The following PTPRJ variants were observed in gnomAD, a reference collection of about 807,000 sequenced individuals.
The protein encoded by PTPRJ is receptor-type tyrosine-protein phosphatase eta.
In PTPRJ, 129 loss-of-function variants were observed where a neutral mutation model predicts 141.3. That is an observed-to-expected ratio of 0.91 (90% CI 0.79 to 1.06). The LOEUF is 1.06. PTPRJ is among the 50% of genes least tolerant of loss of function. The pLI is 0.00. For synonymous variants in PTPRJ, 610 were observed against 640.5 expected, an observed-to-expected ratio of 0.95 and a Z score of 0.72; for missense variants, 1,601 against 1,679.7, an observed-to-expected ratio of 0.95 and a Z score of 0.82.
At chr11:47,999,372 A>G (rs1047949890) in intron 1 of PTPRJ, among the ~76,000 whole-genome samples, 11 of 152,250 alleles carry the variant, frequency 7.2e-5, no homozygotes, top group Admixed American at 2.0e-4. Flanking sequence ...ATGTCTGATT[A>G]TAAGAGTTGC....
At chr11:48,137,323 G>T (rs1857129022) in intron 10 of PTPRJ, 42 bp downstream of exon 10, 2 of 1,583,198 alleles carry the variant, frequency 1.3e-6, no homozygotes, top group Non-Finnish European at 1.7e-6. Context: ...CTCCCTGAGT[G>T]GTGCTGACCT....
intron 10 of PTPRJ, among the ~76,000 whole-genome samples, chr11:48,138,073 G>A (rs1003782122): frequency 2.0e-5 from 3 of 152,068 alleles, no homozygotes; most frequent in Non-Finnish European, 2.9e-5. Context: ...TGCCCTTCTC[G>A]CTCCTACCTC....
chr11:48,028,761 A>G (rs1402827088), intron 1 of PTPRJ, among the ~76,000 whole-genome samples: 1 of 152,230 alleles, frequency 6.6e-6, no homozygotes, highest in Non-Finnish European at 1.5e-5. Context: ...ACTGCACTCC[A>G]GCCTGGGCAA....
At chr11:48,151,439 T>C (rs1464563561) in intron 18 of PTPRJ, among the ~76,000 whole-genome samples, 1 of 150,880 alleles carries the variant, frequency 6.6e-6, no homozygotes, top group Non-Finnish European at 1.5e-5. Context: ...TCATTTTAAT[T>C]TGTTTACATT....
intron 8 of PTPRJ, among the ~76,000 whole-genome samples, chr11:48,134,296 G>A (rs1401908489): frequency 6.6e-6 from 1 of 152,074 alleles, no homozygotes; most frequent in East Asian, 1.9e-4. Context: ...TTCCCCTATA[G>A]TTAGCATGGC....
chr11:48,003,449 G>A (rs961569159), intron 1 of PTPRJ, among the ~76,000 whole-genome samples: 4 of 151,696 alleles, frequency 2.6e-5, no homozygotes, highest in Admixed American at 6.6e-5. Flanking sequence ...CATTATGTCC[G>A]TCCCAGCACT....
At chr11:48,031,575 T>C (rs1276928782) in intron 1 of PTPRJ, among the ~76,000 whole-genome samples, 1 of 152,192 alleles carries the variant, frequency 6.6e-6, no homozygotes, top group African/African-American at 2.4e-5. Flanking sequence ...CATCGCGGGA[T>C]GAAGCACTTG....
chr11:48,058,282 T>C (rs771774612), intron 1 of PTPRJ, among the ~76,000 whole-genome samples: 9 of 152,114 alleles, frequency 5.9e-5, no homozygotes, highest in African/African-American at 2.4e-5. Flanking sequence ...CATAGCTCAC[T>C]GCACCTTGAC....
chr11:48,107,840 T>C (rs1401057171), intron 1 of PTPRJ, among the ~76,000 whole-genome samples: 5 of 152,188 alleles, frequency 3.3e-5, no homozygotes, highest in Non-Finnish European at 5.9e-5. Flanking sequence ...CCCAGCACTT[T>C]GGGAAGCCAA....
At chr11:48,072,656 T>G (rs1418338930) in intron 1 of PTPRJ, among the ~76,000 whole-genome samples, 1 of 152,240 alleles carries the variant, frequency 6.6e-6, no homozygotes, top group Admixed American at 6.5e-5. Flanking sequence ...AGTGTTCACA[T>G]AGAAACAGAA....
In PTPRJ at chr11:48,130,488, A is replaced by G. The variant is rs777188147; in HGVS notation, c.1387A>G (p.Thr463Ala). ...TGTTCCAGTTTCTGACTTCCGAGTG[A>G]CAGTGGTCAGCACGACGGAGATCGG... ...PPVPVSDFRV[T>A]VVSTTEIGLA... The change falls in exon 8 of 25, where the codon ACA becomes GCA. Residue 463 changes from threonine (T) to alanine (A), a missense_variant. Thr to Ala is a moderately conservative substitution (Grantham distance 58, BLOSUM62 0). Transcript: ENST00000418331. 1.1e-5 allele frequency: 18 copies of G among 1,612,656 alleles called. No individual in the cohort carries two copies. The highest frequency in any genetic ancestry group is 1.5e-5 in the Non-Finnish European group (18 of 1,179,158).
intron 6 of PTPRJ, among the ~76,000 whole-genome samples, chr11:48,126,602 G>C (rs948971961): frequency 2.0e-5 from 3 of 152,020 alleles, no homozygotes; most frequent in Non-Finnish European, 4.4e-5. Context: ...GGTTGAAGGG[G>C]TGAGGGCGTG....
chr11:48,001,018 CAG>C (rs1854484535), intron 1 of PTPRJ, among the ~76,000 whole-genome samples: 4 of 129,666 alleles, frequency 3.1e-5, no homozygotes, highest in African/African-American at 1.2e-4. Context: ...AATTTTGAGA[CAG>C]AGTCTCACTC....
chr11:48,103,367 G>A (rs1856201417), intron 1 of PTPRJ, among the ~76,000 whole-genome samples: 1 of 152,174 alleles, frequency 6.6e-6, no homozygotes. Context: ...GCTGAGGCTG[G>A]GGGATCGCTT....
intron 1 of PTPRJ, among the ~76,000 whole-genome samples, chr11:48,016,278 A>G (rs1445321215): frequency 1.3e-5 from 2 of 152,194 alleles, no homozygotes; most frequent in Non-Finnish European, 1.5e-5. Flanking sequence ...GAGCACTGTT[A>G]TGTTCTTCAC....
chr11:48,027,600 G>A (rs995911813), intron 1 of PTPRJ, among the ~76,000 whole-genome samples: 2 of 151,736 alleles, frequency 1.3e-5, no homozygotes, highest in Admixed American at 6.6e-5. Context: ...AGACCAGCCC[G>A]GCCAGTGTGA....
chr11:48,139,375 C>T, intron 10 of PTPRJ, 111 bp from the exon 11 acceptor site: 1 of 1,206,538 alleles, frequency 8.3e-7, no homozygotes, highest in Non-Finnish European at 1.2e-6. Context: ...CTGCCTCTTC[C>T]ACCACATCAC....
chr11:48,068,442 T>C (rs1264753174), intron 1 of PTPRJ, among the ~76,000 whole-genome samples: 2 of 151,870 alleles, frequency 1.3e-5, no homozygotes, highest in African/African-American at 2.4e-5. Context: ...TAAATGGGAG[T>C]TCCCCTGCAC....
intron 1 of PTPRJ, among the ~76,000 whole-genome samples, chr11:48,010,980 T>C (rs1565256367): frequency 1.3e-5 from 2 of 151,938 alleles, no homozygotes; most frequent in South Asian, 4.2e-4. Context: ...TCCCAGCAAG[T>C]TGGGTCTTTA....
Sources: gnomAD v4.1 joint callset for allele counts (sites outside exome capture counted in the v4.1 genomes callset) on GRCh38, gnomAD v4.1.1 for gene constraint, MANE v1.5 for transcripts, NCBI Gene and HGNC (gene_info 2026-07-23, HGNC 2026-07-21) for gene names.